Variants in MKLN1 observed in about 807,000 individuals in gnomAD.
MKLN1 encodes the protein muskelin.
In MKLN1, 18 loss-of-function variants were observed where a neutral mutation model predicts 99.0. The ratio of observed to expected loss-of-function variants is 0.18; its 90% CI spans 0.13 to 0.27. The LOEUF is 0.27. Among genes scored for constraint, MKLN1 ranks in the 10% least tolerant of loss-of-function variants. The pLI is 1.00. For missense variants in MKLN1, 621 were observed against 875.9 expected (o/e 0.71, Z 3.67); for synonymous variants, 288 against 293.2 (o/e 0.98, Z 0.18).
intron 2 of MKLN1, among the ~76,000 whole-genome samples, chr7:131,150,485 TCAAACAAACAAA>T (rs537251791): frequency 6.6e-6 from 1 of 151,884 alleles, no homozygotes; most frequent in Non-Finnish European, 1.5e-5. Flanking sequence ...AGACCCTGTC[TCAAACAAACAAA>T]CAAACAAACA....
intron 1 of MKLN1, among the ~76,000 whole-genome samples, chr7:131,141,678 G>A (rs1795735554): frequency 6.6e-6 from 1 of 152,034 alleles, no homozygotes; most frequent in Non-Finnish European, 1.5e-5. Context: ...TCTTTATTTG[G>A]TTAACTCCTT....
intron 17 of MKLN1, among the ~76,000 whole-genome samples, chr7:131,483,494 GT>G (rs1483072356): frequency 6.6e-6 from 1 of 152,136 alleles, no homozygotes; most frequent in African/African-American, 2.4e-5. Context: ...TATTATGTGT[GT>G]TTCTGTTTAA....
chr7:131,377,259 G>C (rs577391333), intron 2 of MKLN1, among the ~76,000 whole-genome samples: 43 of 152,274 alleles, frequency 2.8e-4, no homozygotes, highest in African/African-American at 9.4e-4. Flanking sequence ...ACAGAAGACT[G>C]TTTTACAAAG....
chr7:131,332,164 G>A lies in MKLN1; in HGVS notation c.98+4167G>A, dbSNP rs900987747. Among the ~76,000 whole-genome samples, 23 of 151,608 alleles carry A rather than the reference G, an allele frequency of 1.5e-4. 1 individual carries two copies. Among genetic ancestry groups the A allele is most frequent in the Admixed American group, 6.6e-4 (10 of 15,218 alleles). ...TTAAAAATGAATATAGGCTAGGCAC[G>A]GTGGCTCATGCCTGTAATCCTAGCA... On this transcript the variant is annotated intron_variant, in intron 1 of 17. Transcript: ENST00000352689.
intron 3 of MKLN1, among the ~76,000 whole-genome samples, chr7:131,316,373 G>C (rs1200295696): frequency 6.6e-6 from 1 of 152,158 alleles, no homozygotes; most frequent in Non-Finnish European, 1.5e-5. Context: ...CTGACTGTTA[G>C]AAGAAAAACT....
At chr7:131,389,644 C>A (rs1463414648) in intron 4 of MKLN1, among the ~76,000 whole-genome samples, 1 of 151,678 alleles carries the variant, frequency 6.6e-6, no homozygotes, top group Non-Finnish European at 1.5e-5. Flanking sequence ...ATTTTGTTTC[C>A]TATAGGATTT....
chr7:131,392,496 G>T (rs1476487264), intron 4 of MKLN1, among the ~76,000 whole-genome samples: 3 of 152,078 alleles, frequency 2.0e-5, no homozygotes, highest in Non-Finnish European at 2.9e-5. Context: ...CTTAGTATGT[G>T]CCAGTTACTG....
At chr7:131,121,474 T>C (rs1225472015) in intron 1 of MKLN1, among the ~76,000 whole-genome samples, 1 of 151,574 alleles carries the variant, frequency 6.6e-6, no homozygotes, top group Non-Finnish European at 1.5e-5. Context: ...TCGTCTCTAC[T>C]AAAAACACAA....
chr7:131,406,322 T>A (rs2116295115), intron 6 of MKLN1, among the ~76,000 whole-genome samples: 1 of 152,072 alleles, frequency 6.6e-6, no homozygotes, highest in Non-Finnish European at 1.5e-5. Context: ...TAATAAATCA[T>A]TTGACTTATG....
At chr7:131,231,890 CAAAATA>C (rs1482817256) in intron 3 of MKLN1, among the ~76,000 whole-genome samples, 4 of 151,966 alleles carry the variant, frequency 2.6e-5, no homozygotes, top group Admixed American at 1.3e-4. Context: ...ACAAATGTCG[CAAAATA>C]AAAATAAAAC....
intron 3 of MKLN1, among the ~76,000 whole-genome samples, chr7:131,212,151 T>C (rs762259738): frequency 6.6e-6 from 1 of 152,212 alleles, no homozygotes; most frequent in Non-Finnish European, 1.5e-5. Flanking sequence ...CTGCAGAGAA[T>C]AGAAACTTCT....
chr7:131,306,306 C>A (rs1460215321), intron 3 of MKLN1, among the ~76,000 whole-genome samples: 2 of 152,050 alleles, frequency 1.3e-5, no homozygotes, highest in African/African-American at 4.8e-5. Flanking sequence ...TATAAAGATA[C>A]CTAAAAATGT....
intron 12 of MKLN1, among the ~76,000 whole-genome samples, chr7:131,446,111 T>C (rs1032986559): frequency 6.6e-6 from 1 of 152,120 alleles, no homozygotes; most frequent in Non-Finnish European, 1.5e-5. Context: ...AAGCAGAAAA[T>C]ATGTGAATTT....
intron 3 of MKLN1, among the ~76,000 whole-genome samples, chr7:131,205,223 G>A (rs139416195): frequency 0.01 from 1,593 of 152,160 alleles, 79 homozygotes; most frequent in Admixed American, 0.088. Flanking sequence ...GCAATGAATC[G>A]GAGAAAACAA....
At chr7:131,359,245 T>C (rs1453267462) in intron 1 of MKLN1, among the ~76,000 whole-genome samples, 1 of 152,196 alleles carries the variant, frequency 6.6e-6, no homozygotes, top group African/African-American at 2.4e-5. Flanking sequence ...ATTTTTAAAT[T>C]TATCTGGAGA....
At chr7:131,481,830 A>C (rs1408552765) in intron 17 of MKLN1, among the ~76,000 whole-genome samples, 1 of 151,832 alleles carries the variant, frequency 6.6e-6, no homozygotes, top group Non-Finnish European at 1.5e-5. Flanking sequence ...AAAAAAAAAA[A>C]AACCTCAGCC....
chr7:131,481,924 A>G (rs772436321), intron 17 of MKLN1, among the ~76,000 whole-genome samples: 15 of 151,972 alleles, frequency 9.9e-5, no homozygotes, highest in African/African-American at 2.9e-4. Flanking sequence ...TTAATATTGT[A>G]TGTAAAATTT....
intron 2 of MKLN1, among the ~76,000 whole-genome samples, chr7:131,378,013 C>CAGAAA (rs1330683736): frequency 1.3e-5 from 2 of 152,008 alleles, no homozygotes; most frequent in Non-Finnish European, 2.9e-5. Context: ...ACATTTTTGC[C>CAGAAA]AGAAAAGAAA....
chr7:131,135,686 T>G (rs968946067), intron 1 of MKLN1, among the ~76,000 whole-genome samples: 26 of 152,170 alleles, frequency 1.7e-4, no homozygotes, highest in Non-Finnish European at 1.3e-4. Flanking sequence ...AGGAGTAAGA[T>G]GAAGACTGTG....
Sources: gnomAD v4.1 joint callset for allele counts (sites outside exome capture counted in the v4.1 genomes callset) on GRCh38, gnomAD v4.1.1 for gene constraint, MANE v1.5 for transcripts, NCBI Gene and HGNC (gene_info 2026-07-23, HGNC 2026-07-21) for gene names.